The following CAMK2D variants were observed in gnomAD, a reference collection of about 807,000 sequenced individuals.
The protein encoded by CAMK2D is calcium/calmodulin-dependent protein kinase type II subunit delta.
In CAMK2D, 37 loss-of-function variants were observed where a neutral mutation model predicts 84.0. The ratio of observed to expected loss-of-function variants is 0.44; its 90% CI spans 0.34 to 0.58. The LOEUF is 0.58. Among genes scored for constraint, CAMK2D ranks in the 20% least tolerant of loss-of-function variants. The pLI is 0.02. For synonymous variants in CAMK2D, 202 were observed against 212.5 expected, an observed-to-expected ratio of 0.95 and a Z score of 0.43; for missense variants, 448 against 652.5, an observed-to-expected ratio of 0.69 and a Z score of 3.41.
At chr4:113,739,427 A>G (rs2099587977) in intron 2 of CAMK2D, among the ~76,000 whole-genome samples, 1 of 152,160 alleles carries the variant, frequency 6.6e-6, no homozygotes, top group Non-Finnish European at 1.5e-5. Flanking sequence ...GTAATATGCA[A>G]AAACAGGCAC....
chr4:113,645,022 G>T lies in CAMK2D; in HGVS notation c.220+16691C>A, dbSNP rs1282791968. On this transcript the variant is annotated intron_variant, in intron 3 of 20. Coordinates refer to ENST00000511664, the MANE Select transcript of CAMK2D (RefSeq NM_001321571.2). ...GTTGTTGTTGTTGTTTTTTGTTTTT[G>T]TTTTTGTTTTTTGAGACGGACTCTC... 7.2e-5 allele frequency among the ~76,000 whole-genome samples: 11 copies of T among 152,030 alleles called. No individual in the cohort carries two copies. The South Asian group carries it at 1.2e-3, about 17-fold the overall frequency.
At chr4:113,732,336 T>C (rs2099571013) in intron 2 of CAMK2D, among the ~76,000 whole-genome samples, 1 of 152,042 alleles carries the variant, frequency 6.6e-6, no homozygotes. Flanking sequence ...TTGTCCAGGC[T>C]GGTCTTGAAC....
At chr4:113,584,201 G>T (rs2098823695) in intron 4 of CAMK2D, among the ~76,000 whole-genome samples, 1 of 152,148 alleles carries the variant, frequency 6.6e-6, no homozygotes, top group Admixed American at 6.6e-5. Context: ...TTCAGCATTA[G>T]GATTAGGTTG....
intron 4 of CAMK2D, among the ~76,000 whole-genome samples, chr4:113,588,704 T>G (rs1486910728): frequency 6.6e-6 from 1 of 152,108 alleles, no homozygotes; most frequent in African/African-American, 2.4e-5. Context: ...TTCCCAGAAG[T>G]TTTCTCATGT....
chr4:113,624,483 G>GA (rs1251078599), intron 3 of CAMK2D, among the ~76,000 whole-genome samples: 3 of 152,162 alleles, frequency 2.0e-5, no homozygotes, highest in Admixed American at 2.0e-4. Context: ...CACTTGGCAG[G>GA]AACGGTGGGC....
chr4:113,709,760 T>G (rs1217026706), intron 2 of CAMK2D, among the ~76,000 whole-genome samples: 1 of 113,522 alleles, frequency 8.8e-6, no homozygotes, highest in African/African-American at 4.1e-5. Context: ...TATATATATA[T>G]ATATATATAT....
At chr4:113,708,942 G>A (rs1030504343) in intron 2 of CAMK2D, among the ~76,000 whole-genome samples, 2 of 151,994 alleles carry the variant, frequency 1.3e-5, no homozygotes, top group Non-Finnish European at 2.9e-5. Flanking sequence ...GGCTGGTCTT[G>A]AACTCCTGGC....
intron 2 of CAMK2D, among the ~76,000 whole-genome samples, chr4:113,667,752 A>G (rs1334361418): frequency 6.6e-6 from 1 of 152,156 alleles, no homozygotes; most frequent in Non-Finnish European, 1.5e-5. Context: ...AATATTACAA[A>G]ACTATGCTAT....
chr4:113,760,153 A>T (rs2099637508), intron 1 of CAMK2D, among the ~76,000 whole-genome samples: 1 of 152,178 alleles, frequency 6.6e-6, no homozygotes, highest in Admixed American at 6.5e-5. Context: ...AAAAATCAGC[A>T]TTCACGGCTT....
At chr4:113,680,230 A>T (rs1183629191) in intron 2 of CAMK2D, among the ~76,000 whole-genome samples, 2 of 152,206 alleles carry the variant, frequency 1.3e-5, no homozygotes, top group African/African-American at 4.8e-5. Flanking sequence ...AAGACCTGTA[A>T]GATTTTATCA....
chr4:113,573,067 C>T (rs763432181), intron 4 of CAMK2D, among the ~76,000 whole-genome samples: 58 of 151,990 alleles, frequency 3.8e-4, no homozygotes, highest in South Asian at 2.3e-3. Flanking sequence ...GAGGAGGAAG[C>T]GGAGAAGAAA....
intron 4 of CAMK2D, among the ~76,000 whole-genome samples, chr4:113,600,684 A>C (rs11722797): frequency 0.11 from 17,264 of 152,080 alleles, 1,381 homozygotes; most frequent in East Asian, 0.33. Flanking sequence ...GTCAACTAGG[A>C]AGCAGTGGCA....
At chr4:113,744,678 G>T (rs539420231) in intron 2 of CAMK2D, among the ~76,000 whole-genome samples, 1 of 152,096 alleles carries the variant, frequency 6.6e-6, no homozygotes, top group East Asian at 1.9e-4. Context: ...TATCATAGCC[G>T]CAAAATTGAT....
intron 8 of CAMK2D, among the ~76,000 whole-genome samples, chr4:113,519,543 G>A (rs1054526940): frequency 2.0e-5 from 3 of 151,922 alleles, no homozygotes; most frequent in South Asian, 4.2e-4. Context: ...TATTATAGGT[G>A]CTATTGACTA....
chr4:113,663,690 T>G (rs1313952346), intron 2 of CAMK2D, among the ~76,000 whole-genome samples: 1 of 150,804 alleles, frequency 6.6e-6, no homozygotes, highest in Non-Finnish European at 1.5e-5. Flanking sequence ...TATGAAAATA[T>G]ATGTGCTGAA....
intron 3 of CAMK2D, among the ~76,000 whole-genome samples, chr4:113,610,379 C>T (rs2154267468): frequency 6.6e-6 from 1 of 152,280 alleles, no homozygotes; most frequent in South Asian, 2.1e-4. Context: ...CTACTACAAC[C>T]TGTTATGTTT....
intron 2 of CAMK2D, among the ~76,000 whole-genome samples, chr4:113,758,218 T>C (rs909953105): frequency 6.6e-6 from 1 of 152,164 alleles, no homozygotes; most frequent in Non-Finnish European, 1.5e-5. Flanking sequence ...TGCTGGTTAC[T>C]TTATAGATCT....
chr4:113,560,079 T>C (rs1243548414), intron 4 of CAMK2D, among the ~76,000 whole-genome samples: 3 of 152,178 alleles, frequency 2.0e-5, no homozygotes, highest in Non-Finnish European at 4.4e-5. Flanking sequence ...GAGATACTGT[T>C]ACTGTTGATC....
At chr4:113,457,145 A>C in intron 19 of CAMK2D, 190 bp downstream of exon 19, 1 of 1,418,714 alleles carries the variant, frequency 7.0e-7, no homozygotes. Context: ...GCAAGTTTCA[A>C]CCCACAAATG....
Sources: allele counts gnomAD v4.1 joint callset (sites outside exome capture counted in the v4.1 genomes callset), GRCh38; gene constraint gnomAD v4.1.1; transcripts MANE v1.5; gene names NCBI Gene and HGNC (gene_info 2026-07-23, HGNC 2026-07-21).